The following COL20A1 variants were observed in gnomAD, a reference collection of about 807,000 sequenced individuals.
COL20A1 encodes collagen alpha-1(XX) chain.
In COL20A1, 164 loss-of-function variants were observed where a neutral mutation model predicts 152.9. The ratio of observed to expected loss-of-function variants is 1.07; its 90% CI spans 0.94 to 1.22. COL20A1 has a LOEUF of 1.22. Among genes scored for constraint, COL20A1 ranks in the 50% most tolerant of loss-of-function variants. The pLI, the probability that COL20A1 is intolerant of heterozygous loss-of-function variation, is 0.00. For missense variants in COL20A1, 1,873 were observed against 1,744.8 expected (o/e 1.07, Z -1.31); for synonymous variants, 864 against 756.0 (o/e 1.14, Z -2.34).
At position 63,319,918 on chromosome 20, in the gene COL20A1, C is replaced by T; in HGVS notation, c.2917-121C>T. ...GGTCCCCCGAAACCTGAGGTGAGGT[C>T]AGGTTCCTGACCCCAGGTCCCAGGG... On this transcript the variant is annotated intron_variant, in intron 23 of 35. Coordinates refer to ENST00000358894, the MANE Select transcript of COL20A1 (RefSeq NM_020882.4). This position sits in a 1 kb window ranked among gnomAD's most constrained non-coding sequence, Gnocchi z 4.4. 1 of 976,870 alleles carries T rather than the reference C, an allele frequency of 1.0e-6. No homozygotes were observed. Among genetic ancestry groups the T allele is most frequent in the Non-Finnish European group, 1.5e-6 (1 of 675,038 alleles). The allele number at this position is 976,870 out of a possible 1,614,324, so 60.5% of individuals were successfully genotyped here.
At position 63,328,372 on chromosome 20, in the gene COL20A1, C is replaced by T. The variant is rs2068283563; in HGVS notation, c.3655C>T (p.Pro1219Ser). 1 of 1,612,518 alleles carries T rather than the reference C, an allele frequency of 6.2e-7. No homozygotes were observed. The highest frequency in any genetic ancestry group is 8.5e-7 in the Non-Finnish European group (1 of 1,179,504). The change falls in exon 34 of 36, where the codon CCC (proline) becomes TCC (serine). Residue 1219 changes from proline to serine, a missense_variant. By Grantham distance (74) the Pro-to-Ser change is moderately conservative. Transcript: ENST00000358894. Reference sequence around the variant, plus strand: ...CGACTCCTTCCACGAGAACACCAGGCCCCCCATGCCCATCTTGGAGCAGAA... The same window carrying T: ...CGACTCCTTCCACGAGAACACCAGGTCCCCCATGCCCATCTTGGAGCAGAA... ...KFDSFHENTR[P>S]PMPILEQKLE...
At chr20:63,314,390 C>T (rs2068057595) in intron 19 of COL20A1, among the ~76,000 whole-genome samples, 189 bp downstream of exon 19, 1 of 152,190 alleles carries the variant, frequency 6.6e-6, no homozygotes, top group African/African-American at 2.4e-5. Context: ...CTGGCCCCAC[C>T]TGGATTCTCC....
chr20:63,321,387 C>T (rs1346926409), intron 26 of COL20A1, among the ~76,000 whole-genome samples: 3 of 152,142 alleles, frequency 2.0e-5, no homozygotes, highest in Non-Finnish European at 4.4e-5. Flanking sequence ...GGGCCAGGCG[C>T]AGCTCCTTCC....
chr20:63,305,424 G>C lies in COL20A1; in HGVS notation c.201G>C (p.Ser67=). 6.5e-7 allele frequency: 1 copy of C among 1,539,304 alleles called. No individual in the cohort carries two copies. Among genetic ancestry groups the C allele is most frequent in the South Asian group, 1.2e-5 (1 of 80,992 alleles). The change falls in exon 4 of 36, where the codon TCG becomes TCC. Residue 67 remains serine (S), a synonymous_variant. Coordinates refer to ENST00000358894, the MANE Select transcript of COL20A1 (RefSeq NM_020882.4). This position sits in a 1 kb window ranked among gnomAD's most constrained non-coding sequence, Gnocchi z 4.9. ...LVQVKPMAGD[S]EQEVILTTKT... ...CTCCCCACCCCTACCCAGGGGACTC[G>C]GAACAGGAGGTGATACTGACCACCA... is the stretch of plus-strand genomic sequence containing the variant.
chr20:63,307,557 G>T lies in COL20A1; in HGVS notation c.564G>T (p.Trp188Cys), dbSNP rs571535477. ...ADMVFLVDGS[W>C]SIGHSHFQQV... ...TGGTCTTCCTGGTGGACGGGTCCTG[G>T]AGCATTGGCCACAGTCACTTCCAGC... The change falls in exon 6 of 36, where the codon TGG becomes TGT. Residue 188 changes from tryptophan to cysteine, a missense_variant. By Grantham distance (215) the Trp-to-Cys change is radical. Coordinates refer to ENST00000358894, the MANE Select transcript of COL20A1 (RefSeq NM_020882.4). 89 of 1,612,564 alleles carry T rather than the reference G, an allele frequency of 5.5e-5. No homozygotes were observed. The highest frequency in any genetic ancestry group is 6.8e-5 in the Non-Finnish European group (80 of 1,179,748).
chr20:63,318,291 C>T (rs1462177897), intron 21 of COL20A1, among the ~76,000 whole-genome samples: 1 of 152,206 alleles, frequency 6.6e-6, no homozygotes, highest in Admixed American at 6.5e-5. Flanking sequence ...GCCCAGGCCC[C>T]AGACCAGTCT....
rs757068544 is a variant in COL20A1, at chr20:63,297,946, AC to A, written c.121del (p.Arg41GlyfsTer4). ...GLLRLAVLPE[D>X]RLQMKWRESE... ...CTGAGGCTGGCTGTGCTGCCTGAGG[AC>A]CGGCTGCAGATGAAGTGGAGAGAGT... is the stretch of plus-strand genomic sequence containing the variant. On this transcript the variant is annotated frameshift_variant, in exon 3 of 36. Coordinates refer to ENST00000358894, the MANE Select transcript of COL20A1 (RefSeq NM_020882.4). LOFTEE classifies it high-confidence loss of function. The A allele has an allele frequency of 2.5e-6, 4 of 1,613,196 alleles. No individual in the cohort carries two copies. Among genetic ancestry groups the A allele is most frequent in the Non-Finnish European group, 3.4e-6 (4 of 1,179,832 alleles).
intron 3 of COL20A1, among the ~76,000 whole-genome samples, chr20:63,304,340 C>T (rs2067896509): frequency 7.8e-6 from 1 of 127,984 alleles, no homozygotes; most frequent in Non-Finnish European, 1.6e-5. Context: ...CTTCTCCCTG[C>T]AGGTGCGCAG....
chr20:63,302,110 T>C (rs1040439294), intron 3 of COL20A1, among the ~76,000 whole-genome samples: 30 of 152,306 alleles, frequency 2.0e-4, no homozygotes, highest in African/African-American at 7.0e-4. Flanking sequence ...TATTGTTTTA[T>C]GTCCCTCTCC....
In COL20A1 at chr20:63,314,138, G is replaced by A. The variant is rs371028614; in HGVS notation, c.2425G>A (p.Val809Ile). 3.1e-6 allele frequency: 5 copies of A among 1,607,700 alleles called. No homozygotes were observed. Among genetic ancestry groups the A allele is most frequent in the Admixed American group, 1.7e-5 (1 of 59,210 alleles). Residue 809 changes from valine (V) to isoleucine (I), a missense_variant, in exon 19 of 36, where the codon GTC becomes ATC. Physicochemically the swap from Val to Ile is conservative, Grantham distance 29 (BLOSUM62 3). Coordinates refer to ENST00000358894, the MANE Select transcript of COL20A1 (RefSeq NM_020882.4). ...PDLQAATKYR[V>I]LVSAIYAAGR... ...CCTGCAGGCAGCCACGAAGTACAGG[G>A]TCCTGGTCTCAGCTATCTATGCAGC...
chr20:63,300,087 C>A (rs6090351), intron 3 of COL20A1, among the ~76,000 whole-genome samples: 1 of 151,970 alleles, frequency 6.6e-6, no homozygotes, highest in African/African-American at 2.4e-5. Context: ...GGCCTATCCC[C>A]TTTTATATGT....
chr20:63,321,140 T>C (rs371869430), intron 26 of COL20A1, 41 bp downstream of exon 26: 2 of 1,344,762 alleles, frequency 1.5e-6, no homozygotes, highest in African/African-American at 1.5e-5. Context: ...CAGGGAACAC[T>C]GGCCAATGTA....
At chr20:63,308,739 T>C in intron 8 of COL20A1, 33 bp downstream of exon 8, 1 of 1,538,100 alleles carries the variant, frequency 6.5e-7, no homozygotes, top group Admixed American at 2.0e-5. Flanking sequence ...GGCCCTGGAG[T>C]CTCACCGCCG....
intron 26 of COL20A1, among the ~76,000 whole-genome samples, chr20:63,321,820 T>C (rs962150983): frequency 6.6e-6 from 1 of 152,138 alleles, no homozygotes; most frequent in Admixed American, 6.5e-5. Flanking sequence ...TCCACAGCCT[T>C]GTCTACTCAG....
intron 21 of COL20A1, among the ~76,000 whole-genome samples, chr20:63,318,608 G>A (rs1263233678): frequency 6.6e-6 from 1 of 152,132 alleles, no homozygotes; most frequent in African/African-American, 2.4e-5. Context: ...ACTCCCCTGT[G>A]GGGTGTCCTG....
rs996339931 is a variant in COL20A1, at chr20:63,334,587, T to G, written c.*3871T>G. On this transcript the variant is annotated 3_prime_UTR_variant, in exon 36 of 36. Coordinates refer to ENST00000358894, the MANE Select transcript of COL20A1 (RefSeq NM_020882.4). Reference sequence around the variant, plus strand: ...CGTGCGCCACCACGCTTGGCTAATGTTTTTTGTATTTTTTTAAATAGAGAC... The same window carrying G: ...CGTGCGCCACCACGCTTGGCTAATGGTTTTTGTATTTTTTTAAATAGAGAC... 2 of 152,102 alleles carry G rather than the reference T, an allele frequency of 1.3e-5. No individual in the cohort carries two copies. Among genetic ancestry groups the G allele is most frequent in the East Asian group, 3.9e-4 (2 of 5,184 alleles). 9.4% of individuals were successfully genotyped at this position (152,102 alleles called of 1,614,324 possible).
At chr20:63,317,072 T>G (rs1339103031) in intron 21 of COL20A1, among the ~76,000 whole-genome samples, 1 of 152,208 alleles carries the variant, frequency 6.6e-6, no homozygotes, top group Non-Finnish European at 1.5e-5. Flanking sequence ...TGCATGAGAT[T>G]TGGGACAATT....
intron 3 of COL20A1, among the ~76,000 whole-genome samples, chr20:63,301,001 T>C (rs536476821): frequency 2.6e-5 from 4 of 152,218 alleles, no homozygotes; most frequent in Non-Finnish European, 5.9e-5. Context: ...AAATGTACAA[T>C]ATGCTTTCAG....
chr20:63,316,318 G>C (rs1180621614), intron 20 of COL20A1, among the ~76,000 whole-genome samples: 1 of 152,080 alleles, frequency 6.6e-6, no homozygotes, highest in Non-Finnish European at 1.5e-5. Flanking sequence ...CCCTCCCAGT[G>C]TGTTGGATTC....
Sources: gnomAD v4.1 joint callset for allele counts (sites outside exome capture counted in the v4.1 genomes callset) on GRCh38, gnomAD v4.1.1 for gene constraint, Gnocchi (gnomAD v3.1) non-coding constraint, MANE v1.5 for transcripts, NCBI Gene and HGNC (gene_info 2026-07-23, HGNC 2026-07-21) for gene names.